Variants in L3MBTL4 observed in about 807,000 individuals in gnomAD.
The protein encoded by L3MBTL4 is L3MBTL histone methyl-lysine binding protein 4.
In L3MBTL4, 70 loss-of-function variants were observed where a neutral mutation model predicts 84.5. That is an observed-to-expected ratio of 0.83 (90% CI 0.68 to 1.01). The LOEUF (loss-of-function observed/expected upper bound fraction) is 1.01, where lower values mean the gene tolerates loss of function less well. Ranked by LOEUF, L3MBTL4 falls within the 50% of genes least tolerant of loss-of-function variation. The probability of loss-of-function intolerance (pLI) is 0.00; values close to 1 mark genes in which losing one functional copy is unlikely to be tolerated. For synonymous variants in L3MBTL4, 274 were observed against 259.8 expected (o/e 1.05, Z -0.52); for missense variants, 715 against 754.8 (o/e 0.95, Z 0.62).
At chr18:5,978,538 T>C (rs1367550466) in intron 16 of L3MBTL4, among the ~76,000 whole-genome samples, 1 of 152,150 alleles carries the variant, frequency 6.6e-6, no homozygotes. Context: ...ACCAGGAGAC[T>C]GGAGTGGCTC....
chr18:6,358,855 G>A (rs2053558030), intron 1 of L3MBTL4, among the ~76,000 whole-genome samples: 3 of 152,232 alleles, frequency 2.0e-5, no homozygotes, highest in Non-Finnish European at 2.9e-5. Context: ...GGGCTCCACA[G>A]GAGAGCCCTG....
chr18:6,264,648 G>A (rs920963381), intron 4 of L3MBTL4, among the ~76,000 whole-genome samples: 3 of 152,138 alleles, frequency 2.0e-5, no homozygotes, highest in Admixed American at 6.5e-5. Context: ...GCTGGGCATC[G>A]TGGCGGGTGC....
chr18:6,412,302 C>T (rs2056000035), intron 1 of L3MBTL4, among the ~76,000 whole-genome samples: 1 of 152,252 alleles, frequency 6.6e-6, no homozygotes, highest in Non-Finnish European at 1.5e-5. Context: ...CTCCAGCCCA[C>T]CAAACCTACC....
intron 1 of L3MBTL4, among the ~76,000 whole-genome samples, chr18:6,385,264 T>C (rs142528273): frequency 6.6e-6 from 1 of 152,068 alleles, no homozygotes; most frequent in African/African-American, 2.4e-5. Context: ...TGGCTGAGCA[T>C]AGTGGCATGT....
intron 16 of L3MBTL4, among the ~76,000 whole-genome samples, chr18:6,004,802 C>A (rs2054387955): frequency 6.6e-6 from 1 of 151,956 alleles, no homozygotes; most frequent in Non-Finnish European, 1.5e-5. Flanking sequence ...TAGTCAAATT[C>A]ATAGAGACAG....
At chr18:6,114,614 A>T (rs2059302281) in intron 14 of L3MBTL4, among the ~76,000 whole-genome samples, 1 of 152,244 alleles carries the variant, frequency 6.6e-6, no homozygotes, top group African/African-American at 2.4e-5. Context: ...CAAGAATATC[A>T]ATGAAGCAAA....
intron 11 of L3MBTL4, among the ~76,000 whole-genome samples, chr18:6,214,443 C>T (rs931950815): frequency 6.6e-6 from 1 of 152,164 alleles, no homozygotes. Context: ...CAAAAAGTTT[C>T]ACTTTGAAAG....
intron 1 of L3MBTL4, among the ~76,000 whole-genome samples, chr18:6,359,672 T>C (rs1440986251): frequency 1.3e-5 from 2 of 152,000 alleles, no homozygotes; most frequent in Admixed American, 1.3e-4. Context: ...TATTTTAAAC[T>C]CTCAAAAATT....
At chr18:6,252,538 AACAG>A (rs1315538965) in intron 5 of L3MBTL4, among the ~76,000 whole-genome samples, 3 of 152,178 alleles carry the variant, frequency 2.0e-5, no homozygotes, top group Admixed American at 1.3e-4. Flanking sequence ...TAGAGAGGAG[AACAG>A]ACAGAGAGAG....
chr18:6,133,317 G>A (rs75216806), intron 14 of L3MBTL4, among the ~76,000 whole-genome samples: 20,544 of 149,370 alleles, frequency 0.14, 2,009 homozygotes, highest in East Asian at 0.42. Flanking sequence ...ACCATAGTGG[G>A]TGTTACAGCT....
At chr18:6,078,526 A>T (rs2057949244) in intron 16 of L3MBTL4, among the ~76,000 whole-genome samples, 1 of 152,102 alleles carries the variant, frequency 6.6e-6, no homozygotes, top group African/African-American at 2.4e-5. Context: ...AAATGAAATA[A>T]AATATTAAAT....
At chr18:6,363,293 C>T (rs2053789107) in intron 1 of L3MBTL4, among the ~76,000 whole-genome samples, 1 of 152,102 alleles carries the variant, frequency 6.6e-6, no homozygotes, top group Admixed American at 6.5e-5. Flanking sequence ...CAGGGGCAGC[C>T]CCTGATGGCT....
At chr18:6,163,310 T>TGG (rs199996072) in intron 13 of L3MBTL4, among the ~76,000 whole-genome samples, 1 of 127,158 alleles carries the variant, frequency 7.9e-6, no homozygotes, top group Non-Finnish European at 1.7e-5. Context: ...TGTGTGTGGG[T>TGG]GGGTGTGTAT....
intron 17 of L3MBTL4, among the ~76,000 whole-genome samples, chr18:5,969,147 G>T (rs1384791853): frequency 6.6e-6 from 1 of 152,156 alleles, no homozygotes; most frequent in Non-Finnish European, 1.5e-5. Flanking sequence ...GCCTCGGGGG[G>T]CACTGGAATA....
intron 13 of L3MBTL4, among the ~76,000 whole-genome samples, chr18:6,163,256 G>T: frequency 1.1e-5 from 1 of 91,078 alleles, no homozygotes. Context: ...GGGTGTGTGT[G>T]TGTGGGGGGG....
At chr18:6,037,984 A>G (rs1052766759) in intron 16 of L3MBTL4, among the ~76,000 whole-genome samples, 2 of 152,206 alleles carry the variant, frequency 1.3e-5, no homozygotes, top group African/African-American at 2.4e-5. Context: ...GAGAGAGGAT[A>G]ACGGGGTGAA....
chr18:6,137,891 C>T (rs937180001), intron 14 of L3MBTL4, among the ~76,000 whole-genome samples: 3 of 152,164 alleles, frequency 2.0e-5, no homozygotes, highest in African/African-American at 2.4e-5. Flanking sequence ...TAGAAGAAAG[C>T]AAGTCTCAGG....
intron 16 of L3MBTL4, among the ~76,000 whole-genome samples, chr18:6,076,904 G>A (rs942299542): frequency 5.3e-5 from 8 of 152,278 alleles, no homozygotes; most frequent in African/African-American, 1.7e-4. Context: ...TGCAGTGGCC[G>A]TGAGAGTGAC....
intron 16 of L3MBTL4, among the ~76,000 whole-genome samples, chr18:5,976,485 C>G (rs902696685): frequency 6.6e-6 from 1 of 152,062 alleles, no homozygotes; most frequent in African/African-American, 2.4e-5. Flanking sequence ...GTGGCTGGAT[C>G]CAATTAACAT....
Sources: allele counts gnomAD v4.1 joint callset (sites outside exome capture counted in the v4.1 genomes callset), GRCh38; gene constraint gnomAD v4.1.1; transcripts MANE v1.5; gene names NCBI Gene and HGNC (gene_info 2026-07-23, HGNC 2026-07-21).